The following CEMIP variants were observed in gnomAD, a reference collection of about 807,000 sequenced individuals.
The protein encoded by CEMIP is cell migration inducing hyaluronidase 1.
CEMIP carries 105 observed loss-of-function variants against 156.9 expected under a neutral mutation model. The observed-to-expected ratio is 0.67, with a 90% CI of 0.57 to 0.79. The LOEUF is 0.79. CEMIP is among the 30% of genes least tolerant of loss of function. The pLI, the probability that CEMIP is intolerant of heterozygous loss-of-function variation, is 0.00. For synonymous variants in CEMIP, 676 were observed against 668.4 expected (o/e 1.01, Z -0.17); for missense variants, 1,457 against 1,769.4 (o/e 0.82, Z 3.17).
intron 1 of CEMIP, among the ~76,000 whole-genome samples, chr15:80,809,994 T>C (rs1213744131): frequency 6.6e-6 from 1 of 152,182 alleles, no homozygotes; most frequent in Non-Finnish European, 1.5e-5. Context: ...GTCAACTGAT[T>C]TGGGACTTTA....
chr15:80,835,769 T>G (rs1261647861), intron 1 of CEMIP, among the ~76,000 whole-genome samples: 1 of 152,232 alleles, frequency 6.6e-6, no homozygotes, highest in Non-Finnish European at 1.5e-5. Flanking sequence ...AGGCTGGTGC[T>G]ATGATCATCC....
intron 14 of CEMIP, chr15:80,909,737 T>C (rs1899971808): frequency 4.7e-6 from 2 of 425,442 alleles, no homozygotes; most frequent in Non-Finnish European, 9.6e-6. Flanking sequence ...AACCAAGTGT[T>C]CCTTCAGAGC....
In CEMIP at chr15:80,928,929, C is replaced by T. The variant is rs775341881; in HGVS notation, c.2448C>T (p.Thr816=). The change falls in exon 20 of 30, where the codon ACC becomes ACT. Residue 816 remains threonine (T), a synonymous_variant. Coordinates refer to ENST00000394685, the MANE Select transcript of CEMIP (RefSeq NM_001293298.2). ...TTGCTGACAATGGCATTGGCCTGAC[C>T]CTGGCCAGGTAAGGGCAACTGTCAT... ...CRFADNGIGL[T]LASGGTFPYD... The T allele has an allele frequency of 1.9e-6, 3 of 1,614,194 alleles. No homozygotes were observed. The highest frequency in any genetic ancestry group is 2.5e-6 in the Non-Finnish European group (3 of 1,180,040).
At chr15:80,846,042 G>C (rs906723429) in intron 1 of CEMIP, among the ~76,000 whole-genome samples, 1 of 152,294 alleles carries the variant, frequency 6.6e-6, no homozygotes, top group East Asian at 1.9e-4. Context: ...GAGGGAACAG[G>C]TGCTTCCTTT....
At chr15:80,901,942 T>C (rs1332396911) in intron 12 of CEMIP, among the ~76,000 whole-genome samples, 1 of 152,164 alleles carries the variant, frequency 6.6e-6, no homozygotes, top group Non-Finnish European at 1.5e-5. Context: ...CACCTGAAGA[T>C]GACTGTGAGG....
chr15:80,809,941 T>C (rs1896616754), intron 1 of CEMIP, among the ~76,000 whole-genome samples: 1 of 152,238 alleles, frequency 6.6e-6, no homozygotes, highest in Admixed American at 6.5e-5. Flanking sequence ...AAAGGGCCCA[T>C]GTGATTAAAT....
intron 1 of CEMIP, among the ~76,000 whole-genome samples, chr15:80,784,950 G>A (rs1350288844): frequency 6.6e-6 from 1 of 152,138 alleles, no homozygotes; most frequent in East Asian, 1.9e-4. Flanking sequence ...AGCCCAGCTG[G>A]TCTGTGCCCT....
In CEMIP at chr15:80,881,066, A is replaced by C. The variant is rs551524324; in HGVS notation, c.547A>C (p.Ser183Arg). 4 of 1,614,176 alleles carry C rather than the reference A, an allele frequency of 2.5e-6. No individual in the cohort carries two copies. Among genetic ancestry groups the C allele is most frequent in the Admixed American group, 1.7e-5 (1 of 60,022 alleles). ...AGAAGGAGGCTATTTTTTTGAAAGG[A>C]GCTGGGGCCACCGTGGAGTTATTGT... ...MAEGGYFFER[S>R]WGHRGVIVHV... The change falls in exon 6 of 30, where the codon AGC becomes CGC. Residue 183 changes from serine (S) to arginine (R), a missense_variant. Coordinates refer to ENST00000394685, the MANE Select transcript of CEMIP (RefSeq NM_001293298.2).
At chr15:80,868,828 C>G (rs966440792) in intron 1 of CEMIP, among the ~76,000 whole-genome samples, 4 of 152,140 alleles carry the variant, frequency 2.6e-5, no homozygotes, top group African/African-American at 9.7e-5. Flanking sequence ...TGCCTCGCAC[C>G]TAACAGGACC....
chr15:80,807,220 T>C (rs1896534765), intron 1 of CEMIP, among the ~76,000 whole-genome samples: 1 of 147,678 alleles, frequency 6.8e-6, no homozygotes. Context: ...AGACAAAGTA[T>C]CTAGAGAGGA....
At chr15:80,810,606 C>T (rs931094537) in intron 1 of CEMIP, among the ~76,000 whole-genome samples, 2 of 152,210 alleles carry the variant, frequency 1.3e-5, no homozygotes, top group African/African-American at 2.4e-5. Flanking sequence ...CCGCCCTCCT[C>T]GGCCTCCCAA....
chr15:80,913,528 G>A (rs1443475151), intron 14 of CEMIP, among the ~76,000 whole-genome samples: 2 of 114,404 alleles, frequency 1.7e-5, no homozygotes, highest in African/African-American at 3.6e-5. Flanking sequence ...GGCCTTGGGG[G>A]ACTGATGGAA....
chr15:80,885,444 T>C (rs1238936019), intron 7 of CEMIP, among the ~76,000 whole-genome samples: 6 of 152,248 alleles, frequency 3.9e-5, no homozygotes, highest in Non-Finnish European at 5.9e-5. Flanking sequence ...CACCTTGGCA[T>C]TGCAAGCCTC....
chr15:80,803,497 G>A (rs1370448118), intron 1 of CEMIP, among the ~76,000 whole-genome samples: 1 of 152,114 alleles, frequency 6.6e-6, no homozygotes, highest in Non-Finnish European at 1.5e-5. Flanking sequence ...CTTAGAAGCA[G>A]CAAAATATTA....
intron 12 of CEMIP, among the ~76,000 whole-genome samples, chr15:80,898,345 A>C (rs539534652): frequency 6.6e-6 from 1 of 152,328 alleles, no homozygotes; most frequent in South Asian, 2.1e-4. Flanking sequence ...GTGAGGATTA[A>C]AGGAGTTTGT....
At chr15:80,835,584 C>T (rs78262373) in intron 1 of CEMIP, among the ~76,000 whole-genome samples, 2 of 152,386 alleles carry the variant, frequency 1.3e-5, no homozygotes, top group East Asian at 3.9e-4. Context: ...AATCTACCAG[C>T]CTGTCTTTCC....
At chr15:80,910,406 T>C (rs1464779034) in intron 14 of CEMIP, among the ~76,000 whole-genome samples, 1 of 152,196 alleles carries the variant, frequency 6.6e-6, no homozygotes, top group African/African-American at 2.4e-5. Flanking sequence ...TGCTGGTCCC[T>C]GTGGGCATTT....
chr15:80,893,265 G>A (rs952434160), intron 10 of CEMIP, among the ~76,000 whole-genome samples: 1 of 151,886 alleles, frequency 6.6e-6, no homozygotes, highest in East Asian at 1.9e-4. Context: ...TAATTATTTT[G>A]TTAATACTTA....
At position 80,926,823 on chromosome 15, in the gene CEMIP, G is replaced by T. The variant is rs1055297714; in HGVS notation, c.2420+1068G>T. On this transcript the variant is annotated intron_variant, in intron 19 of 29. Coordinates refer to ENST00000394685, the MANE Select transcript of CEMIP (RefSeq NM_001293298.2). ...GAGGCAGAGAGACTGAGCGGGTGGG[G>T]GGGGGGGGTCTTCTTTTTTTTTTTT... Among the ~76,000 whole-genome samples the T allele has an allele frequency of 3.9e-5, 5 of 129,634 alleles. No individual in the cohort carries two copies. In the South Asian group the frequency reaches 1.1e-3, roughly 28 times the overall value. 85.0% of individuals were successfully genotyped at this position (129,634 alleles called of 152,430 possible).
Sources: gnomAD v4.1 joint callset for allele counts (sites outside exome capture counted in the v4.1 genomes callset) on GRCh38, gnomAD v4.1.1 for gene constraint, MANE v1.5 for transcripts, NCBI Gene and HGNC (gene_info 2026-07-23, HGNC 2026-07-21) for gene names.